ZBTB20: variants seen among roughly 807,000 people sequenced by gnomAD.
ZBTB20 encodes the protein zinc finger and BTB domain containing 20.
Under a neutral mutation model 56.9 loss-of-function variants are expected in ZBTB20, and 9 were observed. That is an observed-to-expected ratio of 0.16 (90% CI 0.10 to 0.28). The LOEUF (loss-of-function observed/expected upper bound fraction) is 0.28. Among genes scored for constraint, ZBTB20 ranks in the 10% least tolerant of loss-of-function variants. The pLI, the probability that ZBTB20 is intolerant of heterozygous loss-of-function variation, is 1.00. For synonymous variants in ZBTB20, 417 were observed against 420.7 expected, an observed-to-expected ratio of 0.99 and a Z score of 0.11; for missense variants, 655 against 1,003.0, an observed-to-expected ratio of 0.65 and a Z score of 4.69.
rs562577995 is a variant in ZBTB20, at chr3:114,474,779, C to T, written c.-255+25573G>A. On this transcript the variant is annotated intron_variant, in intron 7 of 11. Coordinates refer to ENST00000675478, the MANE Select transcript of ZBTB20 (RefSeq NM_001348800.3). ...CCCAAATATAATGGATTAATTCTCC[C>T]GCCACATTTCATAAATCAGTTTGCC... Among the ~76,000 whole-genome samples the T allele has an allele frequency of 1.1e-4, 16 of 152,242 alleles. No individual in the cohort carries two copies. The East Asian group carries it at 2.1e-3, about 20-fold the overall frequency.
chr3:115,088,534 T>C (rs953808813), intron 1 of ZBTB20, among the ~76,000 whole-genome samples: 3 of 151,912 alleles, frequency 2.0e-5, no homozygotes, highest in Non-Finnish European at 4.4e-5. Context: ...GGATATATTT[T>C]AGAGCTCTTT....
Position 114,544,386 on chromosome 3 carries a change from CACTCTTAAAA to C in ZBTB20, c.-294-44005_-294-43996del, listed in dbSNP as rs543254131. Among the ~76,000 whole-genome samples, 328 of 151,730 alleles carry C rather than the reference CACTCTTAAAA, an allele frequency of 2.2e-3. 1 individual carries two copies. Among genetic ancestry groups the C allele is most frequent in the Middle Eastern group, 3.4e-3 (1 of 294 alleles). ...CTAACACCAATAAAATTACCTGTAG[CACTCTTAAAA>C]ACTAGATTTCTTCTTTCTTTCTTTC... On this transcript the variant is annotated intron_variant, in intron 6 of 11. Coordinates refer to ENST00000675478, the MANE Select transcript of ZBTB20 (RefSeq NM_001348800.3).
At chr3:114,387,472 C>T (rs1452739263) in intron 8 of ZBTB20, 1 of 152,208 alleles carries the variant, frequency 6.6e-6, no homozygotes, top group Non-Finnish European at 1.5e-5. Flanking sequence ...AGATGAAATA[C>T]TTCCTACGAC....
At chr3:114,770,700 A>C (rs2069134501) in intron 5 of ZBTB20, among the ~76,000 whole-genome samples, 1 of 152,176 alleles carries the variant, frequency 6.6e-6, no homozygotes, top group African/African-American at 2.4e-5. Context: ...AGTAAAGTGT[A>C]TTGTATCATA....
At chr3:114,598,488 G>A (rs1461144152) in intron 6 of ZBTB20, among the ~76,000 whole-genome samples, 1 of 151,142 alleles carries the variant, frequency 6.6e-6, no homozygotes, top group African/African-American at 2.4e-5. Flanking sequence ...AAGAAAATTA[G>A]TATACATATA....
intron 2 of ZBTB20, among the ~76,000 whole-genome samples, chr3:115,025,948 C>A (rs954698407): frequency 1.3e-5 from 2 of 150,322 alleles, no homozygotes; most frequent in African/African-American, 4.9e-5. Context: ...AAATACAGTA[C>A]TAAAATAATG....
At chr3:114,480,737 AT>A (rs2041442919) in intron 7 of ZBTB20, among the ~76,000 whole-genome samples, 4 of 152,118 alleles carry the variant, frequency 2.6e-5, no homozygotes, top group Admixed American at 2.6e-4. Flanking sequence ...CACAATACAT[AT>A]TTCAAGCACA....
intron 1 of ZBTB20, among the ~76,000 whole-genome samples, chr3:115,138,747 T>C (rs1224230689): frequency 6.6e-6 from 1 of 152,102 alleles, no homozygotes; most frequent in East Asian, 1.9e-4. Context: ...ATATAACCAA[T>C]GACTGCAACA....
At chr3:114,548,271 T>C (rs1019424081) in intron 6 of ZBTB20, among the ~76,000 whole-genome samples, 5 of 152,218 alleles carry the variant, frequency 3.3e-5, no homozygotes, top group Non-Finnish European at 7.3e-5. Flanking sequence ...AAGCACCATG[T>C]AGATATCCAA....
intron 1 of ZBTB20, among the ~76,000 whole-genome samples, chr3:115,132,890 A>G (rs2084547521): frequency 6.6e-6 from 1 of 152,206 alleles, no homozygotes; most frequent in African/African-American, 2.4e-5. Flanking sequence ...CCTATTATTG[A>G]ATCATGCTTA....
chr3:115,093,961 T>A (rs1278576876), intron 1 of ZBTB20, among the ~76,000 whole-genome samples: 1 of 152,138 alleles, frequency 6.6e-6, no homozygotes, highest in Non-Finnish European at 1.5e-5. Flanking sequence ...GAAGTCTTTT[T>A]ATTTCATTAT....
intron 5 of ZBTB20, among the ~76,000 whole-genome samples, chr3:114,773,800 G>T (rs192289433): frequency 1.3e-5 from 2 of 152,152 alleles, no homozygotes; most frequent in African/African-American, 4.8e-5. Flanking sequence ...GCCTACTGGG[G>T]TATGTTTTGC....
intron 6 of ZBTB20, among the ~76,000 whole-genome samples, chr3:114,577,298 T>A (rs78783963): frequency 0.026 from 3,937 of 152,132 alleles, 88 homozygotes; most frequent in South Asian, 0.048. Flanking sequence ...ATGGTGCTGA[T>A]AGATTTTCTC....
In ZBTB20 at chr3:114,499,166, T is replaced by C. The variant is rs552835873; in HGVS notation, c.-255+1186A>G. ...CAGACCCACTCTATCAACACTGAAA[T>C]AGAGAATAACAAGACTTGTCAGGGA... is the stretch of plus-strand genomic sequence containing the variant. On this transcript the variant is annotated intron_variant, in intron 7 of 11. Transcript: ENST00000675478. 2.0e-5 allele frequency among the ~76,000 whole-genome samples: 3 copies of C among 152,286 alleles called. No individual in the cohort carries two copies. The South Asian group carries it at 6.2e-4, about 32-fold the overall frequency.
intron 4 of ZBTB20, among the ~76,000 whole-genome samples, chr3:114,830,445 A>C (rs1369258800): frequency 6.6e-6 from 1 of 151,952 alleles, no homozygotes; most frequent in African/African-American, 2.4e-5. Context: ...TTACCTGCTA[A>C]GCCAAGCTTC....
At chr3:114,473,814 C>G (rs971806230) in intron 7 of ZBTB20, among the ~76,000 whole-genome samples, 1 of 152,194 alleles carries the variant, frequency 6.6e-6, no homozygotes, top group Non-Finnish European at 1.5e-5. Context: ...ATCTCTTCAT[C>G]TATCTGATGA....
intron 6 of ZBTB20, among the ~76,000 whole-genome samples, chr3:114,650,512 A>T (rs2060074961): frequency 6.6e-6 from 1 of 151,954 alleles, no homozygotes; most frequent in Non-Finnish European, 1.5e-5. Flanking sequence ...CATGAAGATC[A>T]AGAAAACAAA....
intron 2 of ZBTB20, among the ~76,000 whole-genome samples, chr3:115,017,439 A>G (rs774166400): frequency 5.3e-5 from 8 of 151,654 alleles, no homozygotes; most frequent in Non-Finnish European, 1.0e-4. Context: ...TTCATATCAC[A>G]AAAATGACCA....
chr3:114,686,833 T>A (rs2062370857), intron 6 of ZBTB20, among the ~76,000 whole-genome samples: 1 of 152,150 alleles, frequency 6.6e-6, no homozygotes. Context: ...AGAACTTCCT[T>A]CCTTCCCTCC....
Sources: gnomAD v4.1 joint callset for allele counts (sites outside exome capture counted in the v4.1 genomes callset) on GRCh38, gnomAD v4.1.1 for gene constraint, MANE v1.5 for transcripts, NCBI Gene and HGNC (gene_info 2026-07-23, HGNC 2026-07-21) for gene names.